The following SLC47A2 variants were observed in gnomAD, a reference collection of about 807,000 sequenced individuals.
The protein encoded by SLC47A2 is multidrug and toxin extrusion protein 2.
A neutral mutation model predicts 67.7 loss-of-function variants in SLC47A2; 52 were observed. The observed-to-expected ratio is 0.77, with a 90% CI of 0.61 to 0.97. The LOEUF is 0.97. SLC47A2 is among the 50% of genes least tolerant of loss of function. The pLI, the probability that SLC47A2 is intolerant of heterozygous loss-of-function variation, is 0.00. For missense variants in SLC47A2, 676 were observed against 712.3 expected, an observed-to-expected ratio of 0.95 and a Z score of 0.58; for synonymous variants, 278 against 292.9, an observed-to-expected ratio of 0.95 and a Z score of 0.52.
intron 13 of SLC47A2, among the ~76,000 whole-genome samples, chr17:19,684,673 C>T (rs1485510329): frequency 9.7e-6 from 1 of 103,184 alleles, no homozygotes; most frequent in Non-Finnish European, 1.9e-5. Flanking sequence ...CCAGCTTGGG[C>T]AATATAGCAA....
chr17:19,715,711 T>G (rs868190396), intron 1 of SLC47A2: 3 of 137,042 alleles, frequency 2.2e-5, no homozygotes, highest in Admixed American at 7.4e-5. Context: ...TTTTTGTTTT[T>G]TTTTTTTTTT....
In SLC47A2 at chr17:19,685,609, C is replaced by T. The variant is rs143644940; in HGVS notation, c.1165-3939G>A. Among the ~76,000 whole-genome samples the T allele has an allele frequency of 0.023, 3,481 of 152,252 alleles. 72 individuals are homozygous for T. Among genetic ancestry groups the T allele is most frequent in the African/African-American group, 0.052 (2,174 of 41,552 alleles). The stretch of plus-strand genomic sequence containing the variant: ...AACAGATGCTTGAAGGCAGCATGCT[C>T]ATTAAGAGTCATCACCACTCCCTAA... On this transcript the variant is annotated intron_variant, in intron 13 of 16. Coordinates refer to ENST00000433844, the MANE Select transcript of SLC47A2 (RefSeq NM_001099646.3). The surrounding 1 kb of genome is among the most constrained non-coding windows in gnomAD (Gnocchi z 4.5).
At position 19,685,784 on chromosome 17, in the gene SLC47A2, C is replaced by A. The variant is rs2085415660; in HGVS notation, c.1165-4114G>T. Among the ~76,000 whole-genome samples the A allele has an allele frequency of 6.6e-6, 1 of 151,950 alleles. No individual in the cohort carries two copies. The highest frequency in any genetic ancestry group is 2.4e-5 in the African/African-American group (1 of 41,364). Reference sequence around the variant, plus strand: ...CACATCCCCCTCTCTGAGAAACACCCAAAAATGATCAATAAATACTAAATA... The same window carrying A: ...CACATCCCCCTCTCTGAGAAACACCAAAAAATGATCAATAAATACTAAATA... On this transcript the variant is annotated intron_variant, in intron 13 of 16. Coordinates refer to ENST00000433844, the MANE Select transcript of SLC47A2 (RefSeq NM_001099646.3). The surrounding 1 kb of genome is among the most constrained non-coding windows in gnomAD (Gnocchi z 4.5).
chr17:19,706,617 G>T (rs573826091), intron 9 of SLC47A2, 31 bp downstream of exon 9: 1 of 1,529,852 alleles, frequency 6.5e-7, no homozygotes, highest in African/African-American at 1.4e-5. Context: ...CCGCCCACAC[G>T]CCATTGCGCC....
rs758598190 is a variant in SLC47A2 at position 19,685,923 on chromosome 17, T to C, written c.1165-4253A>G. ...AAAGTTTTTCTTAATTTTCTCTGCT[T>C]GTTTGTTTTTGCAATCAGTATTTAG... On this transcript the variant is annotated intron_variant, in intron 13 of 16. Transcript: ENST00000433844. This position sits in a 1 kb window ranked among gnomAD's most constrained non-coding sequence, Gnocchi z 4.5. 2.7e-4 allele frequency among the ~76,000 whole-genome samples: 41 copies of C among 152,290 alleles called. No individual in the cohort carries two copies. Among genetic ancestry groups the C allele is most frequent in the Admixed American group, 8.5e-4 (13 of 15,300 alleles).
Position 19,703,168 on chromosome 17 carries a change from C to A in SLC47A2, c.1019-1G>T, listed in dbSNP as rs747207524. ...GTGCCCAGGACCAGGGAAATGCCAA[C>A]TGGAAGAGACAAAAGGTGCAGCAAT... On this transcript the variant is annotated splice_acceptor_variant, in intron 11 of 16. Transcript: ENST00000433844. LOFTEE classifies it high-confidence loss of function. 6.2e-7 allele frequency: 1 copy of A among 1,614,044 alleles called. No homozygotes were observed. The highest frequency in any genetic ancestry group is 8.5e-7 in the Non-Finnish European group (1 of 1,179,976).
chr17:19,684,829 C>T (rs187334033), intron 13 of SLC47A2, among the ~76,000 whole-genome samples: 69 of 152,294 alleles, frequency 4.5e-4, no homozygotes, highest in African/African-American at 1.6e-3. Flanking sequence ...CTCTCCCTCT[C>T]CCTCCCGCTC....
At chr17:19,711,584 G>A (rs546336445) in intron 5 of SLC47A2, among the ~76,000 whole-genome samples, 12 of 38,732 alleles carry the variant, frequency 3.1e-4, no homozygotes, top group Non-Finnish European at 4.2e-4. Context: ...GCAAAACTCC[G>A]TCTCAAAAAA....
intron 13 of SLC47A2, among the ~76,000 whole-genome samples, chr17:19,683,373 G>A (rs574338150): frequency 2.0e-5 from 3 of 152,324 alleles, no homozygotes; most frequent in Middle Eastern, 6.8e-3. Flanking sequence ...CTGAGGTTGA[G>A]AAACTCTGAT....
intron 6 of SLC47A2, 28 bp downstream of exon 6, chr17:19,708,688 G>A (rs1359911008): frequency 6.2e-7 from 1 of 1,613,494 alleles, no homozygotes; most frequent in Non-Finnish European, 8.5e-7. Context: ...CTGGGAGAAG[G>A]GCCTCCCCAC....
At chr17:19,712,802 C>A in intron 4 of SLC47A2, 57 bp from the exon 5 acceptor site, 5 of 1,550,544 alleles carry the variant, frequency 3.2e-6, no homozygotes, top group Non-Finnish European at 3.5e-6. Flanking sequence ...GGAGGCAGGG[C>A]CCTCTCCCCT....
In SLC47A2 at chr17:19,707,662, C is replaced by T. The variant is rs142441849; in HGVS notation, c.727+84G>A. The T allele has an allele frequency of 5.2e-4, 632 of 1,225,798 alleles. 7 individuals carry two copies. The East Asian group carries it at 0.014, about 27-fold the overall frequency. The allele number at this position is 1,225,798 out of a possible 1,614,324, so 75.9% of individuals were successfully genotyped here. A position where few individuals can be genotyped will look rare whatever the true frequency, so the allele number is the denominator to read the frequency against. On this transcript the variant is annotated intron_variant, in intron 8 of 16. Transcript: ENST00000433844. ...CCTCCAACAGGCTCTACTGCACCCT[C>T]TGCCTGCTGACCACCCTGCCCCAAG...
chr17:19,692,788 TA>T (rs2085570091), intron 13 of SLC47A2, among the ~76,000 whole-genome samples: 1 of 152,130 alleles, frequency 6.6e-6, no homozygotes, highest in Non-Finnish European at 1.5e-5. Flanking sequence ...AACAAAATAT[TA>T]GCAAACCAAA....
At chr17:19,709,739 T>C (rs963978241) in intron 5 of SLC47A2, among the ~76,000 whole-genome samples, 1 of 152,216 alleles carries the variant, frequency 6.6e-6, no homozygotes, top group Non-Finnish European at 1.5e-5. Context: ...GTCACTATTA[T>C]TGGCAATTAA....
At position 19,678,667 on chromosome 17, in the gene SLC47A2, C is replaced by A. The variant is rs374127423; in HGVS notation, c.*19G>T. 5.0e-6 allele frequency: 8 copies of A among 1,610,356 alleles called. No homozygotes were observed. The highest frequency in any genetic ancestry group is 1.1e-5 in the South Asian group (1 of 90,982). On this transcript the variant is annotated 3_prime_UTR_variant, in exon 17 of 17. Coordinates refer to ENST00000433844, the MANE Select transcript of SLC47A2 (RefSeq NM_001099646.3). ...ACTGGGGACAGCCACTCCTGGCTTTCTATTTCCAAGCTTCTTTGCTAGTGC... is the reference window on the plus strand; with the variant it reads ...ACTGGGGACAGCCACTCCTGGCTTTATATTTCCAAGCTTCTTTGCTAGTGC...
chr17:19,706,895 T>C, intron 8 of SLC47A2, 134 bp from the exon 9 acceptor site: 1 of 629,322 alleles, frequency 1.6e-6, no homozygotes, highest in Non-Finnish European at 2.7e-6. Context: ...GCACTGGGCA[T>C]TTTGCAGAGG....
At chr17:19,704,822 C>CTTTTTTT (rs6146013) in intron 10 of SLC47A2, 2 of 274,208 alleles carry the variant, frequency 7.3e-6, no homozygotes, top group Non-Finnish European at 1.2e-5. Flanking sequence ...ATGGAATGTG[C>CTTTTTTT]TTTTTTTTTT....
intron 13 of SLC47A2, among the ~76,000 whole-genome samples, chr17:19,688,649 A>G (rs1229056226): frequency 6.6e-6 from 1 of 151,850 alleles, no homozygotes; most frequent in Admixed American, 6.6e-5. Flanking sequence ...TGGAGGGTTC[A>G]GGGACTTCTC....
intron 3 of SLC47A2, 41 bp from the exon 4 acceptor site, chr17:19,714,014 C>T (rs753936485): frequency 4.2e-5 from 66 of 1,588,322 alleles, no homozygotes; most frequent in Middle Eastern, 3.4e-4. Context: ...TTCCACTGCC[C>T]GGGACATTCC....
Sources: gnomAD v4.1 joint callset for allele counts (sites outside exome capture counted in the v4.1 genomes callset) on GRCh38, gnomAD v4.1.1 for gene constraint, Gnocchi (gnomAD v3.1) non-coding constraint, MANE v1.5 for transcripts, NCBI Gene and HGNC (gene_info 2026-07-23, HGNC 2026-07-21) for gene names.